Variants in RBFOX3 observed in about 807,000 individuals in gnomAD.
The protein encoded by RBFOX3 is RNA binding protein fox-1 homolog 3.
A neutral mutation model predicts 48.7 loss-of-function variants in RBFOX3; 17 were observed. That is an observed-to-expected ratio of 0.35 (90% CI 0.24 to 0.52). The LOEUF is 0.52. RBFOX3 is among the 20% of genes least tolerant of loss of function. The pLI, the probability that RBFOX3 is intolerant of heterozygous loss-of-function variation, is 0.94. For missense variants in RBFOX3, 382 were observed against 497.5 expected (o/e 0.77, Z 2.21); for synonymous variants, 212 against 209.5 (o/e 1.01, Z -0.10).
chr17:79,656,797 A>AGAAGGAAGGAAGGAAG, the RBFOX3 span, among the ~76,000 whole-genome samples: 1 of 2,100 alleles, frequency 4.8e-4, no homozygotes, highest in Admixed American at 5.9e-3. Context: ...AAAGAAAGAA[A>AGAAGGAAGGAAGGAAG]GAAAGAAAGA....
the RBFOX3 span, among the ~76,000 whole-genome samples, chr17:79,654,728 G>T: frequency 6.6e-6 from 1 of 152,182 alleles, no homozygotes; most frequent in Non-Finnish European, 1.5e-5. Flanking sequence ...GCAGGGGAGG[G>T]CCCCTTTTTT....
intron 2 of RBFOX3, among the ~76,000 whole-genome samples, chr17:79,450,336 T>C (rs1358291593): frequency 2.0e-5 from 3 of 152,144 alleles, no homozygotes; most frequent in Non-Finnish European, 2.9e-5. Flanking sequence ...AGAGCTACTT[T>C]GGCAGTAGGA....
intron 2 of RBFOX3, among the ~76,000 whole-genome samples, chr17:79,352,258 T>C (rs928185393): frequency 6.6e-6 from 1 of 152,212 alleles, no homozygotes; most frequent in African/African-American, 2.4e-5. Flanking sequence ...CCCCTAGTGC[T>C]ATCTCATGAG....
At chr17:79,150,398 C>T (rs1408933878) in intron 4 of RBFOX3, among the ~76,000 whole-genome samples, 3 of 152,078 alleles carry the variant, frequency 2.0e-5, no homozygotes, top group Non-Finnish European at 4.4e-5. Flanking sequence ...AGGCGGCCAA[C>T]CCCCTAACTC....
intron 4 of RBFOX3, among the ~76,000 whole-genome samples, chr17:79,152,868 C>A (rs752184036): frequency 7.9e-5 from 12 of 152,212 alleles, no homozygotes; most frequent in Non-Finnish European, 4.4e-5. Flanking sequence ...GGGACTTCGC[C>A]GCATTGCCCA....
At position 79,214,474 on chromosome 17, in the gene RBFOX3, C is replaced by T. The variant is rs1418727410; in HGVS notation, c.-34+21292G>A. Among the ~76,000 whole-genome samples, 8 of 151,944 alleles carry T rather than the reference C, an allele frequency of 5.3e-5. No homozygotes were observed. The South Asian group carries it at 6.3e-4, about 12-fold the overall frequency. On this transcript the variant is annotated intron_variant, in intron 4 of 14. Transcript: ENST00000693108. This position sits in a 1 kb window ranked among gnomAD's most constrained non-coding sequence, Gnocchi z 4.7. ...CTTTGGATCAGTGTGACTGGGAGGA[C>T]GCTGCTGCCCACCCTGGCACCCAGG...
intron 4 of RBFOX3, among the ~76,000 whole-genome samples, chr17:79,207,076 C>T (rs1308233537): frequency 6.6e-6 from 1 of 152,128 alleles, no homozygotes; most frequent in Non-Finnish European, 1.5e-5. Flanking sequence ...AAGAAAAAAG[C>T]CATGCAAGTT....
intron 3 of RBFOX3, among the ~76,000 whole-genome samples, chr17:79,286,815 C>T (rs7222050): frequency 0.51 from 77,558 of 151,700 alleles, 20,122 homozygotes; most frequent in African/African-American, 0.57. Flanking sequence ...TGAGGGAAGA[C>T]GGAGGTGCCC....
chr17:79,629,975 C>T, the RBFOX3 span, among the ~76,000 whole-genome samples: 13 of 152,200 alleles, frequency 8.5e-5, no homozygotes, highest in East Asian at 7.7e-4. Context: ...TGTAAGTGGA[C>T]GACGGGCTAT....
At chr17:79,263,651 C>T (rs1233285880) in intron 3 of RBFOX3, among the ~76,000 whole-genome samples, 2 of 152,180 alleles carry the variant, frequency 1.3e-5, no homozygotes, top group Non-Finnish European at 2.9e-5. Flanking sequence ...TGCCACCACA[C>T]CCCCTCTGCC....
intron 2 of RBFOX3, among the ~76,000 whole-genome samples, chr17:79,372,533 C>T (rs1305499567): frequency 1.3e-5 from 2 of 151,968 alleles, no homozygotes; most frequent in African/African-American, 2.4e-5. Context: ...CCCGGGCTCC[C>T]ACCCCTGCGG....
At chr17:79,531,754 T>TAGAAACG (rs1278026968) in intron 1 of RBFOX3, among the ~76,000 whole-genome samples, 1 of 152,222 alleles carries the variant, frequency 6.6e-6, no homozygotes. Flanking sequence ...CCCGGGAATC[T>TAGAAACG]AGAAACGAAA....
chr17:79,149,329 C>T (rs1277977314), intron 4 of RBFOX3, among the ~76,000 whole-genome samples: 3 of 152,112 alleles, frequency 2.0e-5, no homozygotes, highest in African/African-American at 7.2e-5. Context: ...AGCCCAGATG[C>T]AGGCAGTGGG....
At chr17:79,649,849 C>T in the RBFOX3 span, among the ~76,000 whole-genome samples, 3,170 of 152,128 alleles carry the variant, frequency 0.021, 101 homozygotes, top group African/African-American at 0.061. Context: ...TGGAGGCAGG[C>T]GAAGGGGAAG....
chr17:79,469,024 T>C (rs1183422036), intron 2 of RBFOX3, among the ~76,000 whole-genome samples: 3 of 151,988 alleles, frequency 2.0e-5, no homozygotes, highest in Non-Finnish European at 4.4e-5. Context: ...GGAGGATGGA[T>C]GGATGGATAG....
chr17:79,553,015 G>T (rs1314713835), intron 1 of RBFOX3, among the ~76,000 whole-genome samples: 1 of 152,074 alleles, frequency 6.6e-6, no homozygotes, highest in Non-Finnish European at 1.5e-5. Context: ...TTGTCTGATT[G>T]CATTGGCTAA....
chr17:79,281,968 G>A (rs561347780), intron 3 of RBFOX3, among the ~76,000 whole-genome samples: 2 of 152,192 alleles, frequency 1.3e-5, no homozygotes, highest in African/African-American at 4.8e-5. Context: ...ATCACTGAGC[G>A]GGTCCGTGGA....
At chr17:79,475,225 G>A (rs1174366013) in intron 2 of RBFOX3, among the ~76,000 whole-genome samples, 4 of 152,104 alleles carry the variant, frequency 2.6e-5, no homozygotes, top group East Asian at 3.9e-4. Context: ...GTCTGTGGAC[G>A]GCCTTCTGAC....
intron 3 of RBFOX3, among the ~76,000 whole-genome samples, chr17:79,270,832 G>C (rs2067537734): frequency 6.6e-6 from 1 of 152,240 alleles, no homozygotes; most frequent in African/African-American, 2.4e-5. Context: ...ACAATACCTT[G>C]CACAGAGCAT....
Sources: gnomAD v4.1 joint callset for allele counts (sites outside exome capture counted in the v4.1 genomes callset) on GRCh38, gnomAD v4.1.1 for gene constraint, Gnocchi (gnomAD v3.1) non-coding constraint, MANE v1.5 for transcripts, NCBI Gene and HGNC (gene_info 2026-07-23, HGNC 2026-07-21) for gene names.